Variants in PTPRD observed in about 807,000 individuals in gnomAD.
PTPRD encodes the protein protein tyrosine phosphatase receptor type D, also known as receptor-type tyrosine-protein phosphatase delta.
PTPRD carries 34 observed loss-of-function variants against 214.5 expected under a neutral mutation model. The ratio of observed to expected loss-of-function variants is 0.16; its 90% CI spans 0.12 to 0.21. The LOEUF (loss-of-function observed/expected upper bound fraction) is 0.21. Ranked by LOEUF, PTPRD falls within the 10% of genes least tolerant of loss-of-function variation. PTPRD has a pLI of 1.00. For missense variants in PTPRD, 2,545 were observed against 2,398.7 expected (o/e 1.06, Z -1.27); for synonymous variants, 1,128 against 845.7 (o/e 1.33, Z -5.79).
chr9:9,497,555 G>A (rs1333092827), intron 8 of PTPRD, among the ~76,000 whole-genome samples: 3 of 152,068 alleles, frequency 2.0e-5, no homozygotes, highest in Admixed American at 6.6e-5. Flanking sequence ...TAAAATAAGG[G>A]TGTTTACGAA....
intron 11 of PTPRD, among the ~76,000 whole-genome samples, chr9:8,868,394 G>A (rs2098236908): frequency 1.3e-5 from 2 of 152,044 alleles, no homozygotes; most frequent in Admixed American, 1.3e-4. Flanking sequence ...GTAGAGAAGG[G>A]GGTGTCACTA....
At chr9:10,113,000 A>T (rs529532358) in intron 3 of PTPRD, among the ~76,000 whole-genome samples, 1 of 152,232 alleles carries the variant, frequency 6.6e-6, no homozygotes. Flanking sequence ...GCCCAGACAC[A>T]GGAAGGCTTG....
intron 14 of PTPRD, among the ~76,000 whole-genome samples, chr9:8,549,797 T>C (rs2081453674): frequency 1.3e-5 from 2 of 152,208 alleles, no homozygotes; most frequent in Admixed American, 1.3e-4. Flanking sequence ...GCTTAGGATA[T>C]TGAGCCAATT....
At chr9:9,361,761 C>T (rs1311757024) in intron 9 of PTPRD, among the ~76,000 whole-genome samples, 1 of 151,082 alleles carries the variant, frequency 6.6e-6, no homozygotes, top group African/African-American at 2.4e-5. Context: ...TACTATCTTT[C>T]TCATGTCCAC....
intron 4 of PTPRD, among the ~76,000 whole-genome samples, chr9:10,009,341 A>AT (rs79378355): frequency 0.48 from 73,449 of 151,688 alleles, 21,165 homozygotes; most frequent in Middle Eastern, 0.67. Context: ...GATTTTATAC[A>AT]TTTTAGGGAG....
At chr9:8,468,534 T>G (rs1217793754) in intron 31 of PTPRD, among the ~76,000 whole-genome samples, 1 of 151,936 alleles carries the variant, frequency 6.6e-6, no homozygotes, top group African/African-American at 2.4e-5. Flanking sequence ...TAACAAAGGA[T>G]AAATGAACTC....
At chr9:9,385,329 A>T (rs1009950023) in intron 9 of PTPRD, among the ~76,000 whole-genome samples, 11 of 152,142 alleles carry the variant, frequency 7.2e-5, no homozygotes, top group Non-Finnish European at 1.5e-5. Context: ...CTTCCGTATG[A>T]TCAACAGTCT....
intron 3 of PTPRD, among the ~76,000 whole-genome samples, chr9:10,272,184 C>T (rs1406378621): frequency 2.0e-5 from 3 of 152,140 alleles, no homozygotes; most frequent in Admixed American, 6.5e-5. Context: ...GGATATTTCA[C>T]ATAAACGAAA....
intron 3 of PTPRD, among the ~76,000 whole-genome samples, chr9:10,036,507 C>T (rs1477328603): frequency 3.2e-5 from 1 of 31,448 alleles, no homozygotes; most frequent in East Asian, 1.1e-3. Context: ...CACACTCATG[C>T]ACACACACAC....
At chr9:9,718,458 G>A (rs2097873046) in intron 7 of PTPRD, among the ~76,000 whole-genome samples, 1 of 152,130 alleles carries the variant, frequency 6.6e-6, no homozygotes, top group Non-Finnish European at 1.5e-5. Flanking sequence ...GATCCCAGTG[G>A]GAGCCCTGCG....
At chr9:9,815,884 G>C (rs936351370) in intron 5 of PTPRD, among the ~76,000 whole-genome samples, 1 of 152,128 alleles carries the variant, frequency 6.6e-6, no homozygotes, top group African/African-American at 2.4e-5. Flanking sequence ...TTCTAAGAAA[G>C]ATGCTAAGTC....
chr9:8,449,665 A>T (rs141888584), intron 34 of PTPRD, 60 bp downstream of exon 34: 1 of 1,466,316 alleles, frequency 6.8e-7, no homozygotes, highest in South Asian at 1.2e-5. Flanking sequence ...CTTAATATCA[A>T]TTGAGCTGTA....
intron 3 of PTPRD, among the ~76,000 whole-genome samples, chr9:10,145,260 C>T (rs1023923738): frequency 2.6e-5 from 4 of 151,492 alleles, no homozygotes; most frequent in Non-Finnish European, 2.9e-5. Context: ...AAAATGAATG[C>T]TTGCATGTGT....
At chr9:9,215,231 C>T (rs1366062352) in intron 9 of PTPRD, among the ~76,000 whole-genome samples, 1 of 152,150 alleles carries the variant, frequency 6.6e-6, no homozygotes, top group Non-Finnish European at 1.5e-5. Context: ...TCTTAATTGA[C>T]TCAGTTGCAG....
chr9:8,430,953 C>G (rs1281032421), intron 35 of PTPRD, among the ~76,000 whole-genome samples: 1 of 152,146 alleles, frequency 6.6e-6, no homozygotes, highest in Admixed American at 6.6e-5. Flanking sequence ...ACTACAAACT[C>G]CAGAAGTACA....
intron 4 of PTPRD, among the ~76,000 whole-genome samples, chr9:10,031,587 C>A (rs2097069694): frequency 7.0e-6 from 1 of 143,204 alleles, no homozygotes; most frequent in Admixed American, 7.2e-5. Context: ...TATTGTGGGA[C>A]CTTGTGATCA....
intron 2 of PTPRD, among the ~76,000 whole-genome samples, chr9:10,458,531 C>T (rs910924398): frequency 2.0e-4 from 31 of 152,148 alleles, no homozygotes; most frequent in Admixed American, 2.6e-4. Context: ...TAGACATAGA[C>T]GAAAAGTTCT....
chr9:8,385,017 A>G (rs2086493032), intron 37 of PTPRD, among the ~76,000 whole-genome samples: 1 of 152,216 alleles, frequency 6.6e-6, no homozygotes, highest in South Asian at 2.1e-4. Flanking sequence ...CATGTTTTCA[A>G]ATAATCAACT....
At chr9:8,907,996 C>T (rs1048931423) in intron 11 of PTPRD, among the ~76,000 whole-genome samples, 9 of 152,048 alleles carry the variant, frequency 5.9e-5, no homozygotes, top group Non-Finnish European at 1.2e-4. Flanking sequence ...CATCTAGAAA[C>T]AGTATGGTCA....
Sources: allele counts gnomAD v4.1 joint callset (sites outside exome capture counted in the v4.1 genomes callset), GRCh38; gene constraint gnomAD v4.1.1; transcripts MANE v1.5; gene names NCBI Gene and HGNC (gene_info 2026-07-23, HGNC 2026-07-21).